MMP26: variants seen among roughly 807,000 people sequenced by gnomAD.
The protein encoded by MMP26 is matrix metallopeptidase 26.
A neutral mutation model predicts 31.0 loss-of-function variants in MMP26; 33 were observed. That is an observed-to-expected ratio of 1.06 (90% CI 0.81 to 1.42). MMP26 has a LOEUF of 1.42. Ranked by LOEUF, MMP26 falls within the 40% of genes most tolerant of loss-of-function variation. The pLI is 0.00. For synonymous variants in MMP26, 122 were observed against 114.9 expected, an observed-to-expected ratio of 1.06 and a Z score of -0.40; for missense variants, 347 against 316.1, an observed-to-expected ratio of 1.10 and a Z score of -0.74.
intron 2 of MMP26, among the ~76,000 whole-genome samples, chr11:4,981,146 G>C (rs1846807483): frequency 6.6e-6 from 1 of 152,042 alleles, no homozygotes; most frequent in East Asian, 1.9e-4. Flanking sequence ...GAGAGTCAAG[G>C]AACTGTTGTT....
intron 2 of MMP26, chr11:4,943,914 T>C: frequency 2.3e-6 from 1 of 429,278 alleles, no homozygotes; most frequent in Non-Finnish European, 4.6e-6. Flanking sequence ...GACATCTATG[T>C]ACAATATCCT....
chr11:4,832,770 T>C (rs1405695775), intron 2 of MMP26: 1 of 169,638 alleles, frequency 5.9e-6, no homozygotes. Flanking sequence ...ACAGTGTTTT[T>C]ATTGCTATTT....
At position 4,803,764 on chromosome 11, in the gene MMP26, G is replaced by T. The variant is rs1472076157; in HGVS notation, c.-145+36423G>T. The T allele has an allele frequency of 2.5e-6, 4 of 1,613,236 alleles. No homozygotes were observed. In the South Asian group the frequency reaches 3.3e-5, roughly 13 times the overall value. On this transcript the variant is annotated intron_variant, in intron 2 of 7. Transcript: ENST00000380390. ...CATATCAAAGCCAGCCACAGAGAAG[G>T]CCACAAAGAGCCCATTCCCACGACT...
intron 2 of MMP26, chr11:4,889,804 G>A (rs991096058): frequency 5.7e-6 from 1 of 175,086 alleles, no homozygotes; most frequent in African/African-American, 2.4e-5. Context: ...GCACAGCACA[G>A]ATATGGGAGA....
At chr11:4,907,913 CA>C in intron 2 of MMP26, 4 of 1,614,054 alleles carry the variant, frequency 2.5e-6, no homozygotes, top group Non-Finnish European at 3.4e-6. Flanking sequence ...CTGTCTTCAT[CA>C]GGATACCATG....
chr11:4,777,306 C>A (rs1282287493), intron 2 of MMP26, among the ~76,000 whole-genome samples: 2 of 152,106 alleles, frequency 1.3e-5, no homozygotes, highest in African/African-American at 4.8e-5. Flanking sequence ...CCCTGTTAAA[C>A]TTTATATAGA....
chr11:4,730,945 A>G (rs1848165989), intron 1 of MMP26, among the ~76,000 whole-genome samples: 1 of 151,784 alleles, frequency 6.6e-6, no homozygotes, highest in Non-Finnish European at 1.5e-5. Flanking sequence ...TTTATTATTT[A>G]TTTATTTATT....
chr11:4,810,673 G>C (rs1043642341), intron 2 of MMP26, among the ~76,000 whole-genome samples: 7 of 152,184 alleles, frequency 4.6e-5, no homozygotes, highest in African/African-American at 1.7e-4. Context: ...TCACCTCTGA[G>C]TGCGTGATTA....
chr11:4,907,717 A>C (rs1223208379), intron 2 of MMP26: 1 of 1,613,822 alleles, frequency 6.2e-7, no homozygotes, highest in Non-Finnish European at 8.5e-7. Flanking sequence ...CAGTACTTCT[A>C]ATTATGTCTT....
chr11:4,765,163 G>A (rs974749812), intron 1 of MMP26, among the ~76,000 whole-genome samples: 2 of 152,098 alleles, frequency 1.3e-5, no homozygotes, highest in Admixed American at 6.5e-5. Flanking sequence ...CTAGTTCATC[G>A]TCATATTCTA....
chr11:4,765,162 C>T (rs1281407442), intron 1 of MMP26, among the ~76,000 whole-genome samples: 3 of 152,122 alleles, frequency 2.0e-5, no homozygotes, highest in Admixed American at 6.5e-5. Flanking sequence ...CCTAGTTCAT[C>T]GTCATATTCT....
intron 2 of MMP26, chr11:4,804,768 A>G (rs1320117295): frequency 6.1e-6 from 2 of 327,696 alleles, no homozygotes; most frequent in African/African-American, 4.5e-5. Flanking sequence ...GACATAGTGG[A>G]ACCCCTTTTC....
chr11:4,901,250 C>G (rs1265357258), intron 2 of MMP26, among the ~76,000 whole-genome samples: 2 of 149,858 alleles, frequency 1.3e-5, no homozygotes, highest in Non-Finnish European at 3.0e-5. Context: ...GCTCTGCCCC[C>G]CGGGGTTCAT....
chr11:4,930,053 TC>T (rs1413684805), intron 2 of MMP26, among the ~76,000 whole-genome samples: 1 of 152,112 alleles, frequency 6.6e-6, no homozygotes, highest in Non-Finnish European at 1.5e-5. Context: ...TACAGATAAT[TC>T]TTTCAATTTC....
intron 2 of MMP26, among the ~76,000 whole-genome samples, chr11:4,968,944 C>T (rs1316305822): frequency 6.6e-6 from 1 of 151,982 alleles, no homozygotes; most frequent in Non-Finnish European, 1.5e-5. Flanking sequence ...TAAACAACAT[C>T]ATATCTTTCA....
chr11:4,895,038 A>G (rs1331910993), intron 2 of MMP26, among the ~76,000 whole-genome samples: 2 of 152,192 alleles, frequency 1.3e-5, no homozygotes, highest in Non-Finnish European at 2.9e-5. Context: ...TAAACCTCCC[A>G]TTAGCCATAT....
chr11:4,884,517 G>A (rs1378720564), intron 2 of MMP26, among the ~76,000 whole-genome samples: 1 of 152,042 alleles, frequency 6.6e-6, no homozygotes, highest in Non-Finnish European at 1.5e-5. Context: ...GACATCTGAC[G>A]CCATACAATT....
At chr11:4,804,192 G>C (rs566351101) in intron 2 of MMP26, 2 of 1,614,058 alleles carry the variant, frequency 1.2e-6, no homozygotes, top group African/African-American at 2.7e-5. Context: ...CCAGAAAGAG[G>C]TACATGGGCT....
chr11:4,935,436 G>A lies in MMP26; in HGVS notation c.-144-52632G>A, dbSNP rs1851423941. ...TTTGCACATTGATTTTGTATCCTGA[G>A]ACTTTGCTGAAGTTGCTTATCAGCT... On this transcript the variant is annotated intron_variant, in intron 2 of 7. Transcript: ENST00000380390. Among the ~76,000 whole-genome samples the A allele has an allele frequency of 3.3e-5, 5 of 151,796 alleles. No homozygotes were observed. The South Asian group carries it at 1.0e-3, about 32-fold the overall frequency.
Sources: allele counts gnomAD v4.1 joint callset (sites outside exome capture counted in the v4.1 genomes callset), GRCh38; gene constraint gnomAD v4.1.1; transcripts MANE v1.5; gene names NCBI Gene and HGNC (gene_info 2026-07-23, HGNC 2026-07-21).